The following CARD6 variants were observed in gnomAD, a reference collection of about 807,000 sequenced individuals.
CARD6 encodes the protein caspase recruitment domain-containing protein 6.
In CARD6, 27 loss-of-function variants were observed where a neutral mutation model predicts 23.6. That is an observed-to-expected ratio of 1.14 (90% CI 0.84 to 1.58). The LOEUF is 1.58. CARD6 is among the 40% of genes most tolerant of loss of function. The pLI is 0.00. For synonymous variants in CARD6, 397 were observed against 431.8 expected, an observed-to-expected ratio of 0.92 and a Z score of 1.00; for missense variants, 1,214 against 1,209.9, an observed-to-expected ratio of 1.00 and a Z score of -0.05.
In CARD6 at chr5:40,853,610, G is replaced by A; in HGVS notation, c.2278G>A (p.Glu760Lys). 6.2e-7 allele frequency: 1 copy of A among 1,614,250 alleles called. No individual in the cohort carries two copies. The highest frequency in any genetic ancestry group is 2.2e-5 in the East Asian group (1 of 44,892). ...SWVMGRPFGS[E>K]QRPKWFHPLP... ...GGTTATGGGCCGCCCCTTTGGGTCA[G>A]AGCAGAGGCCTAAGTGGTTCCATCC... Residue 760 changes from glutamate to lysine, a missense_variant, in exon 3 of 3, where the codon GAG becomes AAG. Transcript: ENST00000254691.
At position 40,853,227 on chromosome 5, in the gene CARD6, T is replaced by G; in HGVS notation, c.1895T>G (p.Val632Gly). The G allele has an allele frequency of 6.2e-7, 1 of 1,614,094 alleles. No homozygotes were observed. The highest frequency in any genetic ancestry group is 1.1e-5 in the South Asian group (1 of 91,074). The change falls in exon 3 of 3, where the codon GTG becomes GGG. Residue 632 changes from valine to glycine, a missense_variant. Transcript: ENST00000254691. The part of the protein sequence containing the change: ...MEGLQAALQE[V>G]MFSSCLRCVS... ...GGCCTTCAAGCTGCCCTCCAGGAAG[T>G]GATGTTCTCTTCTTGCCTCAGATGT...
At chr5:40,844,463 T>C (rs904451417) in intron 2 of CARD6, among the ~76,000 whole-genome samples, 1 of 152,148 alleles carries the variant, frequency 6.6e-6, no homozygotes, top group Non-Finnish European at 1.5e-5. Flanking sequence ...ACTCCTGGGC[T>C]CAAGTGATCT....
At position 40,852,900 on chromosome 5, in the gene CARD6, TCCAAAAG is replaced by T. The variant is rs761004661; in HGVS notation, c.1571_1577del (p.Gln524LeufsTer11). The T allele has an allele frequency of 1.9e-6, 3 of 1,614,014 alleles. No individual in the cohort carries two copies. The highest frequency in any genetic ancestry group is 2.5e-6 in the Non-Finnish European group (3 of 1,179,998). The stretch of plus-strand genomic sequence containing the variant: ...GATGATAGAAAGGAAAACCCCTTTT[TCCAAAAG>T]CCTGTTGCTCTGGCTAATCTCCGTG... On this transcript the variant is annotated frameshift_variant, in exon 3 of 3. Transcript: ENST00000254691. LOFTEE classifies it low-confidence loss of function (END_TRUNC).
Position 40,853,292 on chromosome 5 carries a change from G to C in CARD6, c.1960G>C (p.Gly654Arg). The change falls in exon 3 of 3, where the codon GGG becomes CGG. Residue 654 changes from glycine (G) to arginine (R), a missense_variant. Transcript: ENST00000254691. ...TATGGCCGCCCTGGCCAGGGAGCTGGGGATTCAGGTAGATGAAGACTTTGA... is the reference window on the plus strand; with the variant it reads ...TATGGCCGCCCTGGCCAGGGAGCTGCGGATTCAGGTAGATGAAGACTTTGA... ...EDMAALAREL[G>R]IQVDEDFENT... 2 of 1,614,170 alleles carry C rather than the reference G, an allele frequency of 1.2e-6. No individual in the cohort carries two copies. The highest frequency in any genetic ancestry group is 1.7e-6 in the Non-Finnish European group (2 of 1,180,030).
intron 2 of CARD6, among the ~76,000 whole-genome samples, chr5:40,851,349 T>C (rs1746063423): frequency 6.6e-6 from 1 of 151,870 alleles, no homozygotes; most frequent in Non-Finnish European, 1.5e-5. Flanking sequence ...AAATAGAATC[T>C]ACTAAGTAAA....
chr5:40,843,791 T>A, intron 2 of CARD6, 82 bp downstream of exon 2: 1 of 907,318 alleles, frequency 1.1e-6, no homozygotes, highest in Non-Finnish European at 1.6e-6. Context: ...GGATGGGGGA[T>A]GAAAAAGGGA....
At position 40,843,562 on chromosome 5, in the gene CARD6, G is replaced by A; in HGVS notation, c.694G>A (p.Val232Ile). Residue 232 changes from valine to isoleucine, a missense_variant, in exon 2 of 3, where the codon GTT becomes ATT. By Grantham distance (29) the Val-to-Ile change is conservative. Transcript: ENST00000254691. ...EDAEATVEEE[V>I]YDDPEHVGYD... ...TGCAGAAGCCACTGTGGAAGAGGAG[G>A]TTTATGATGACCCAGAGCACGTTGG... The A allele has an allele frequency of 6.2e-7, 1 of 1,610,102 alleles. No homozygotes were observed. The highest frequency in any genetic ancestry group is 8.5e-7 in the Non-Finnish European group (1 of 1,179,030).
At position 40,853,639 on chromosome 5, in the gene CARD6, GC is replaced by G. The variant is rs1443845463; in HGVS notation, c.2309del (p.Pro770LeufsTer31). 6.2e-7 allele frequency: 1 copy of G among 1,614,204 alleles called. No individual in the cohort carries two copies. Among genetic ancestry groups the G allele is most frequent in the Admixed American group, 1.7e-5 (1 of 60,022 alleles). The stretch of plus-strand genomic sequence containing the variant: ...AGAGGCCTAAGTGGTTCCATCCTTT[GC>G]CTTTTCAGAATGCAGGGGCCCAGGG... ...EQRPKWFHPL[P>X]FQNAGAQGRG... On this transcript the variant is annotated frameshift_variant, in exon 3 of 3. Transcript: ENST00000254691. LOFTEE classifies it low-confidence loss of function (END_TRUNC).
At chr5:40,848,495 C>A (rs1309981456) in intron 2 of CARD6, among the ~76,000 whole-genome samples, 3 of 152,180 alleles carry the variant, frequency 2.0e-5, no homozygotes, top group Non-Finnish European at 4.4e-5. Flanking sequence ...GAATTACAGG[C>A]ATGAGCCACC....
At chr5:40,850,330 C>T (rs1475319113) in intron 2 of CARD6, among the ~76,000 whole-genome samples, 5 of 145,182 alleles carry the variant, frequency 3.4e-5, no homozygotes, top group African/African-American at 1.0e-4. Flanking sequence ...AGGAGAATCG[C>T]TTGAACCCAG....
In CARD6 at chr5:40,843,687, G is replaced by C. The variant is rs1266163300; in HGVS notation, c.819G>C (p.Glu273Asp). The C allele has an allele frequency of 6.5e-7, 1 of 1,547,260 alleles. No individual in the cohort carries two copies. Among genetic ancestry groups the C allele is most frequent in the Non-Finnish European group, 8.7e-7 (1 of 1,155,608 alleles). Residue 273 changes from glutamate (E) to aspartate (D), a missense_variant, in exon 2 of 3, where the codon GAG (glutamate) becomes GAC (aspartate). Physicochemically the swap from Glu to Asp is conservative, Grantham distance 45. Coordinates refer to ENST00000254691, the MANE Select transcript of CARD6 (RefSeq NM_032587.4). ...CAGAAACCAGCCTTTCATTGGAGGAGGAACAGGAGAAAAGTATAGAAGGTA... is the reference window on the plus strand; with the variant it reads ...CAGAAACCAGCCTTTCATTGGAGGACGAACAGGAGAAAAGTATAGAAGGTA... ...EGSETSLSLE[E>D]EQEKSIEERK...
chr5:40,853,056 C>A lies in CARD6; in HGVS notation c.1724C>A (p.Ala575Asp), dbSNP rs36085996. Residue 575 changes from alanine to aspartate, a missense_variant, in exon 3 of 3, where the codon GCC becomes GAC. Coordinates refer to ENST00000254691, the MANE Select transcript of CARD6 (RefSeq NM_032587.4). ...WDLLMFLGEA[A>D]IERCYFVLSS... Reference sequence around the variant, plus strand: ...TTGCTAATGTTTTTAGGAGAGGCTGCCATTGAAAGATGCTACTTTGTTCTC... The same window carrying A: ...TTGCTAATGTTTTTAGGAGAGGCTGACATTGAAAGATGCTACTTTGTTCTC... 2.4e-4 allele frequency: 389 copies of A among 1,613,884 alleles called. 2 individuals carry two copies. Among genetic ancestry groups the A allele is most frequent in the Non-Finnish European group, 4.7e-5 (56 of 1,180,008 alleles).
chr5:40,844,332 C>T (rs1194293968), intron 2 of CARD6, among the ~76,000 whole-genome samples: 4 of 152,136 alleles, frequency 2.6e-5, no homozygotes, highest in Admixed American at 1.3e-4. Flanking sequence ...CTCCCAGGCT[C>T]GGGTGATCCT....
At chr5:40,850,800 A>T (rs532609832) in intron 2 of CARD6, among the ~76,000 whole-genome samples, 18 of 150,844 alleles carry the variant, frequency 1.2e-4, no homozygotes, top group African/African-American at 3.2e-4. Flanking sequence ...ACATTAATAA[A>T]TTTTTTTTTC....
In CARD6 at chr5:40,853,375, TG is replaced by T. The variant is rs1746114912; in HGVS notation, c.2044del (p.Glu682ArgfsTer9). 1 of 1,613,674 alleles carries T rather than the reference TG, an allele frequency of 6.2e-7. No individual in the cohort carries two copies. The highest frequency in any genetic ancestry group is 8.5e-7 in the Non-Finnish European group (1 of 1,179,958). On this transcript the variant is annotated frameshift_variant, in exon 3 of 3. Transcript: ENST00000254691. LOFTEE classifies it low-confidence loss of function (END_TRUNC). ...GENMAGTAEG[E>X]GQQRHSQLKS... ...AAAACATGGCTGGGACAGCTGAAGG[TG>T]AGGGTCAGCAAAGACACAGTCAGCT...
intron 2 of CARD6, 128 bp downstream of exon 2, chr5:40,843,837 C>A: frequency 1.7e-6 from 1 of 591,312 alleles, no homozygotes; most frequent in Non-Finnish European, 2.8e-6. Context: ...TAAGAAATTC[C>A]TCGTGCCTCT....
At chr5:40,844,350 C>T (rs1483688810) in intron 2 of CARD6, among the ~76,000 whole-genome samples, 1 of 152,162 alleles carries the variant, frequency 6.6e-6, no homozygotes, top group African/African-American at 2.4e-5. Context: ...CCTCCTACCT[C>T]AGCCTCCTGA....
At position 40,853,458 on chromosome 5, in the gene CARD6, G is replaced by A. The variant is rs1434889920; in HGVS notation, c.2126G>A (p.Cys709Tyr). ...CCAATTCAAGAGCCTGGGACTCAAT[G>A]TGAGCTCAGCCAGAATCTTCAGAAT... The part of the protein sequence containing the change: ...LMPIQEPGTQ[C>Y]ELSQNLQNLY... Residue 709 changes from cysteine to tyrosine, a missense_variant, in exon 3 of 3, where the codon TGT (cysteine) becomes TAT (tyrosine). Transcript: ENST00000254691. 1 of 1,614,196 alleles carries A rather than the reference G, an allele frequency of 6.2e-7. No individual in the cohort carries two copies. The highest frequency in any genetic ancestry group is 1.7e-5 in the Admixed American group (1 of 60,034).
Position 40,853,804 on chromosome 5 carries a change from G to T in CARD6, c.2472G>T (p.Gln824His). The T allele has an allele frequency of 6.2e-7, 1 of 1,614,212 alleles. No individual in the cohort carries two copies. The highest frequency in any genetic ancestry group is 1.1e-5 in the South Asian group (1 of 91,088). Residue 824 changes from glutamine (Q) to histidine (H), a missense_variant, in exon 3 of 3, where the codon CAG becomes CAT. By Grantham distance (24) the Gln-to-His change is conservative. Coordinates refer to ENST00000254691, the MANE Select transcript of CARD6 (RefSeq NM_032587.4). Reference sequence around the variant, plus strand: ...GGAGACTGCCAAGACCCATTTGTCAGCATGTACAGGCCTGCCCTGAGAGAC... The same window carrying T: ...GGAGACTGCCAAGACCCATTTGTCATCATGTACAGGCCTGCCCTGAGAGAC... The part of the protein sequence containing the change: ...TFGRLPRPIC[Q>H]HVQACPERPQ...
Sources: allele counts gnomAD v4.1 joint callset (sites outside exome capture counted in the v4.1 genomes callset), GRCh38; gene constraint gnomAD v4.1.1; transcripts MANE v1.5; gene names NCBI Gene and HGNC (gene_info 2026-07-23, HGNC 2026-07-21).